Variants in RSU1 observed in about 807,000 individuals in gnomAD.
RSU1 encodes Ras suppressor protein 1, also known as rsu-1.
RSU1 carries 26 observed loss-of-function variants against 31.1 expected under a neutral mutation model. The ratio of observed to expected loss-of-function variants is 0.84; its 90% CI spans 0.61 to 1.16. The LOEUF (loss-of-function observed/expected upper bound fraction) is 1.16. Ranked by LOEUF, RSU1 falls within the 50% of genes most tolerant of loss-of-function variation. The pLI, the probability that RSU1 is intolerant of heterozygous loss-of-function variation, is 0.00. For missense variants in RSU1, 320 were observed against 339.1 expected, an observed-to-expected ratio of 0.94 and a Z score of 0.44; for synonymous variants, 164 against 136.3, an observed-to-expected ratio of 1.20 and a Z score of -1.41.
chr10:16,678,404 C>A (rs961866213), intron 8 of RSU1, among the ~76,000 whole-genome samples: 3 of 152,150 alleles, frequency 2.0e-5, no homozygotes, highest in African/African-American at 7.2e-5. Context: ...AGCGAGAAAC[C>A]TTCTCTCAAG....
rs57081320 is a variant in RSU1, at chr10:16,621,368, T to C, written c.732-27872A>G. On this transcript the variant is annotated intron_variant, in intron 8 of 8. Transcript: ENST00000345264. ...GAGGCCCCTACGAATATTAACACTA[T>C]GGACACTGGCTCTGTTTCCCGTACC... 4.9e-3 allele frequency among the ~76,000 whole-genome samples: 749 copies of C among 152,302 alleles called. 5 individuals are homozygous for C. Among genetic ancestry groups the C allele is most frequent in the African/African-American group, 0.017 (721 of 41,562 alleles).
chr10:16,646,195 T>C (rs1834567838), intron 8 of RSU1, among the ~76,000 whole-genome samples: 2 of 151,658 alleles, frequency 1.3e-5, no homozygotes, highest in African/African-American at 4.8e-5. Context: ...TTCTGGTGTT[T>C]TGTGATATCC....
At chr10:16,626,230 T>C (rs1834157060) in intron 8 of RSU1, among the ~76,000 whole-genome samples, 1 of 151,842 alleles carries the variant, frequency 6.6e-6, no homozygotes, top group Non-Finnish European at 1.5e-5. Context: ...TTTAAATTTT[T>C]TGTAGAGACA....
intron 2 of RSU1, among the ~76,000 whole-genome samples, chr10:16,798,082 G>A (rs1312158353): frequency 6.6e-6 from 1 of 151,868 alleles, no homozygotes; most frequent in Non-Finnish European, 1.5e-5. Context: ...GGCTGGTCTC[G>A]AACTCCTGAC....
chr10:16,638,769 C>T (rs61844143), intron 8 of RSU1, among the ~76,000 whole-genome samples: 9 of 152,258 alleles, frequency 5.9e-5, no homozygotes, highest in Admixed American at 2.0e-4. Context: ...GTGGGGTGCA[C>T]GGAGGAGGGC....
At chr10:16,635,127 C>G (rs546063374) in intron 8 of RSU1, among the ~76,000 whole-genome samples, 1 of 152,144 alleles carries the variant, frequency 6.6e-6, no homozygotes. Context: ...AACAATCATG[C>G]CCAATATAGG....
chr10:16,668,331 C>G (rs192687545), intron 8 of RSU1, among the ~76,000 whole-genome samples: 33 of 152,252 alleles, frequency 2.2e-4, no homozygotes, highest in Non-Finnish European at 2.4e-4. Flanking sequence ...ATCTGCAGAA[C>G]AGTGGAAATT....
At chr10:16,738,593 C>A (rs1486733585) in intron 7 of RSU1, among the ~76,000 whole-genome samples, 1 of 152,054 alleles carries the variant, frequency 6.6e-6, no homozygotes, top group African/African-American at 2.4e-5. Flanking sequence ...AGTGAAACTA[C>A]AATCAGCTAT....
chr10:16,595,517 G>C (rs1024822412), intron 8 of RSU1, among the ~76,000 whole-genome samples: 6 of 152,208 alleles, frequency 3.9e-5, no homozygotes, highest in African/African-American at 1.2e-4. Flanking sequence ...TCCAGGAAAA[G>C]GGGAGGCCAT....
chr10:16,674,783 G>C (rs908706445), intron 8 of RSU1, among the ~76,000 whole-genome samples: 3 of 152,254 alleles, frequency 2.0e-5, no homozygotes, highest in South Asian at 2.1e-4. Context: ...TGTAATCCCA[G>C]CACTGTGGGA....
chr10:16,687,107 T>C (rs1835454011), intron 8 of RSU1, among the ~76,000 whole-genome samples: 1 of 152,172 alleles, frequency 6.6e-6, no homozygotes, highest in Non-Finnish European at 1.5e-5. Context: ...GGAGGGTACA[T>C]TTTCCAAGTC....
At chr10:16,723,059 TATATC>T (rs1395110245) in intron 7 of RSU1, 1 of 151,552 alleles carries the variant, frequency 6.6e-6, no homozygotes, top group Non-Finnish European at 1.5e-5. Flanking sequence ...TACACACATA[TATATC>T]ATGTGATATA....
intron 7 of RSU1, among the ~76,000 whole-genome samples, chr10:16,699,158 G>A (rs1835737819): frequency 1.3e-5 from 2 of 152,090 alleles, no homozygotes; most frequent in South Asian, 2.1e-4. Context: ...TGGAAACCGC[G>A]CGAGCGAAAC....
At chr10:16,722,745 T>C (rs911893484) in intron 7 of RSU1, among the ~76,000 whole-genome samples, 4 of 152,000 alleles carry the variant, frequency 2.6e-5, no homozygotes, top group African/African-American at 9.7e-5. Context: ...ACTTTTTATA[T>C]AACTCAAACT....
intron 8 of RSU1, among the ~76,000 whole-genome samples, chr10:16,629,408 A>G (rs1159804473): frequency 6.6e-6 from 1 of 152,136 alleles, no homozygotes; most frequent in Non-Finnish European, 1.5e-5. Context: ...CAGAACTAGG[A>G]CAGGCAGGAG....
chr10:16,716,457 G>A (rs189249243), intron 7 of RSU1, among the ~76,000 whole-genome samples: 73 of 152,174 alleles, frequency 4.8e-4, no homozygotes, highest in Non-Finnish European at 8.2e-4. Context: ...ACATATTTCT[G>A]CAAGTTTGAA....
intron 8 of RSU1, among the ~76,000 whole-genome samples, chr10:16,688,294 A>C (rs891616588): frequency 5.3e-5 from 8 of 152,198 alleles, no homozygotes; most frequent in Non-Finnish European, 1.2e-4. Context: ...AAATGTGATA[A>C]TGCATTTTCA....
chr10:16,732,928 T>C (rs924678176), intron 7 of RSU1, among the ~76,000 whole-genome samples: 2 of 152,166 alleles, frequency 1.3e-5, no homozygotes, highest in Non-Finnish European at 2.9e-5. Context: ...GTTGGAAGCA[T>C]GGATGGAGTT....
intron 2 of RSU1, among the ~76,000 whole-genome samples, chr10:16,812,271 G>A (rs1200692194): frequency 2.6e-5 from 4 of 152,044 alleles, no homozygotes; most frequent in Admixed American, 6.6e-5. Flanking sequence ...GTGAAACCCC[G>A]TCTCTACTAA....
Sources: gnomAD v4.1 joint callset for allele counts (sites outside exome capture counted in the v4.1 genomes callset) on GRCh38, gnomAD v4.1.1 for gene constraint, MANE v1.5 for transcripts, NCBI Gene and HGNC (gene_info 2026-07-23, HGNC 2026-07-21) for gene names.